EYA1: variants seen among roughly 807,000 people sequenced by gnomAD.
EYA1 encodes protein phosphatase EYA1.
Under a neutral mutation model 82.0 loss-of-function variants are expected in EYA1, and 16 were observed. The ratio of observed to expected loss-of-function variants is 0.20; its 90% CI spans 0.13 to 0.30. The LOEUF (loss-of-function observed/expected upper bound fraction) is 0.30, where lower values mean the gene tolerates loss of function less well. Ranked by LOEUF, EYA1 falls within the 10% of genes least tolerant of loss-of-function variation. EYA1 has a pLI of 1.00. For synonymous variants in EYA1, 261 were observed against 264.4 expected, an observed-to-expected ratio of 0.99 and a Z score of 0.12; for missense variants, 633 against 730.7, an observed-to-expected ratio of 0.87 and a Z score of 1.54.
intron 6 of EYA1, among the ~76,000 whole-genome samples, chr8:71,319,748 C>G (rs556501036): frequency 1.3e-5 from 2 of 152,246 alleles, no homozygotes; most frequent in South Asian, 4.1e-4. Context: ...ACCATCTGAG[C>G]CTTGACTATC....
intron 2 of EYA1, among the ~76,000 whole-genome samples, chr8:71,375,920 C>A (rs1828346146): frequency 6.6e-6 from 1 of 152,112 alleles, no homozygotes; most frequent in Non-Finnish European, 1.5e-5. Flanking sequence ...TGAGCCACCA[C>A]ACCTGGACAA....
chr8:71,474,807 G>C (rs1054415883), intron 2 of EYA1, among the ~76,000 whole-genome samples: 1 of 152,116 alleles, frequency 6.6e-6, no homozygotes, highest in Admixed American at 6.6e-5. Flanking sequence ...TATCCATTTT[G>C]TACAATGGAA....
At chr8:71,249,627 A>G (rs541151643) in intron 11 of EYA1, among the ~76,000 whole-genome samples, 5 of 152,116 alleles carry the variant, frequency 3.3e-5, no homozygotes, top group Non-Finnish European at 7.4e-5. Flanking sequence ...CAGCAAAACC[A>G]TATCAATGAC....
At chr8:71,233,580 GAAAA>G (rs1173599624) in intron 12 of EYA1, among the ~76,000 whole-genome samples, 7 of 145,418 alleles carry the variant, frequency 4.8e-5, no homozygotes, top group Non-Finnish European at 1.1e-4. Flanking sequence ...AAAAAAAAAA[GAAAA>G]AAAAGAAAGC....
intron 11 of EYA1, among the ~76,000 whole-genome samples, chr8:71,268,381 T>G (rs1453366738): frequency 2.0e-5 from 3 of 152,234 alleles, no homozygotes; most frequent in Admixed American, 2.0e-4. Context: ...TAACTACATG[T>G]TGATATTTCA....
At chr8:71,272,536 A>G (rs535920134) in intron 9 of EYA1, among the ~76,000 whole-genome samples, 2 of 152,264 alleles carry the variant, frequency 1.3e-5, no homozygotes, top group Admixed American at 1.3e-4. Context: ...ATCCAAAACC[A>G]GGCAGCACAT....
chr8:71,226,847 A>G (rs1810622012), intron 12 of EYA1, among the ~76,000 whole-genome samples: 1 of 151,848 alleles, frequency 6.6e-6, no homozygotes. Context: ...AGGTATTTCA[A>G]TGCATTCTAT....
intron 4 of EYA1, among the ~76,000 whole-genome samples, chr8:71,323,221 A>C (rs1036227971): frequency 1.3e-5 from 2 of 152,168 alleles, no homozygotes; most frequent in South Asian, 4.1e-4. Context: ...ATACATGTAC[A>C]TATTTTTTTC....
At chr8:71,499,999 G>C (rs893836716) in intron 2 of EYA1, among the ~76,000 whole-genome samples, 1 of 152,162 alleles carries the variant, frequency 6.6e-6, no homozygotes, top group Non-Finnish European at 1.5e-5. Flanking sequence ...GAATGATGGG[G>C]CTGGATAGTA....
intron 17 of EYA1, among the ~76,000 whole-genome samples, chr8:71,206,243 G>A (rs1807754463): frequency 6.6e-6 from 1 of 150,386 alleles, no homozygotes; most frequent in Non-Finnish European, 1.5e-5. Context: ...TTTTTAAACA[G>A]GGTCTTACTC....
chr8:71,452,807 C>G (rs1807503631), intron 2 of EYA1, among the ~76,000 whole-genome samples: 1 of 152,116 alleles, frequency 6.6e-6, no homozygotes, highest in Non-Finnish European at 1.5e-5. Flanking sequence ...GATAAAACCA[C>G]AAAGATCGGG....
At chr8:71,279,799 C>T (rs1197636290) in intron 9 of EYA1, among the ~76,000 whole-genome samples, 6 of 152,186 alleles carry the variant, frequency 3.9e-5, no homozygotes, top group South Asian at 2.1e-4. Context: ...TGATGGGGCA[C>T]GGAGACTAAC....
At chr8:71,456,830 C>T (rs577249167) in intron 2 of EYA1, among the ~76,000 whole-genome samples, 14 of 152,246 alleles carry the variant, frequency 9.2e-5, no homozygotes, top group Non-Finnish European at 1.6e-4. Flanking sequence ...TAGGCAATAC[C>T]ATTCAGGACT....
At chr8:71,316,319 T>C (rs1193178961) in intron 7 of EYA1, among the ~76,000 whole-genome samples, 3 of 152,162 alleles carry the variant, frequency 2.0e-5, no homozygotes, top group African/African-American at 4.8e-5. Context: ...AGATAAGATA[T>C]GCATAGCATT....
chr8:71,379,723 C>T (rs919761952), intron 2 of EYA1, among the ~76,000 whole-genome samples: 21 of 152,284 alleles, frequency 1.4e-4, no homozygotes, highest in Middle Eastern at 3.4e-3. Context: ...AAATGTCAAG[C>T]TCATCATATC....
rs148960604 is a variant in EYA1 at position 71,542,644 on chromosome 8, C to A, written c.-73+5220G>T. ...AGTCTTTGAGGAATTGCCACACTGT[C>A]TTCCACAATGGTTGAACTCATTTAT... On this transcript the variant is annotated intron_variant, in intron 1 of 18. Coordinates refer to the EYA1 transcript ENST00000643681. Among the ~76,000 whole-genome samples, 77 of 152,330 alleles carry A rather than the reference C, an allele frequency of 5.1e-4. No individual in the cohort carries two copies. The East Asian group carries it at 0.013, about 26-fold the overall frequency.
chr8:71,298,996 T>G, intron 9 of EYA1, 51 bp downstream of exon 9: 1 of 1,573,950 alleles, frequency 6.4e-7, no homozygotes, highest in East Asian at 2.2e-5. Flanking sequence ...AAAAATGCAT[T>G]GAAACCATTG....
chr8:71,245,700 G>A (rs1200598059), intron 11 of EYA1, among the ~76,000 whole-genome samples: 4 of 152,050 alleles, frequency 2.6e-5, no homozygotes, highest in South Asian at 4.2e-4. Flanking sequence ...TTTTAATCTA[G>A]ATAACTCTCT....
intron 2 of EYA1, among the ~76,000 whole-genome samples, chr8:71,517,453 A>G (rs1813051761): frequency 6.6e-6 from 1 of 151,856 alleles, no homozygotes. Flanking sequence ...ACTTATCCAG[A>G]TGTCAAATTT....
Sources: gnomAD v4.1 joint callset for allele counts (sites outside exome capture counted in the v4.1 genomes callset) on GRCh38, gnomAD v4.1.1 for gene constraint, MANE v1.5 for transcripts, NCBI Gene and HGNC (gene_info 2026-07-23, HGNC 2026-07-21) for gene names.